The following LTA4H variants were observed in gnomAD, a reference collection of about 807,000 sequenced individuals.
LTA4H encodes the protein leukotriene A4 hydrolase, also known as leukotriene A-4 hydrolase.
A neutral mutation model predicts 89.8 loss-of-function variants in LTA4H; 59 were observed. The observed-to-expected ratio is 0.66, with a 90% confidence interval of 0.53 to 0.82. The LOEUF (loss-of-function observed/expected upper bound fraction) is 0.82, where lower values mean the gene tolerates loss of function less well. LTA4H is among the 40% of genes least tolerant of loss of function. LTA4H has a pLI of 0.00. For synonymous variants in LTA4H, 227 were observed against 253.1 expected (o/e 0.90, Z 0.98); for missense variants, 617 against 727.0 (o/e 0.85, Z 1.74).
Position 96,022,133 on chromosome 12 carries a change from C to A in LTA4H, c.585+14G>T, listed in dbSNP as rs1210771576. On this transcript the variant is annotated intron_variant, in intron 5 of 18. Transcript: ENST00000228740. The surrounding 1 kb of genome is among the most constrained non-coding windows in gnomAD (Gnocchi z 4.0). ...CCGCCAATGAAAACAAAAATCTAGA[C>A]CCTAGGATCTTACTTTTTGGATGAA... 1.3e-6 allele frequency: 2 copies of A among 1,585,450 alleles called. No individual in the cohort carries two copies. The highest frequency in any genetic ancestry group is 1.7e-5 in the Admixed American group (1 of 59,904).
chr12:96,029,482 TA>T (rs1346696312), intron 1 of LTA4H, among the ~76,000 whole-genome samples: 4 of 152,210 alleles, frequency 2.6e-5, no homozygotes, highest in Non-Finnish European at 5.9e-5. Flanking sequence ...TTCTGACTCC[TA>T]AAATTTTCTC....
intron 17 of LTA4H, chr12:96,003,592 A>AT: frequency 3.5e-6 from 1 of 285,942 alleles, no homozygotes. Flanking sequence ...CCTTCATTCT[A>AT]ATTTTTTTTT....
At chr12:96,036,802 G>T (rs1019092577), upstream of LTA4H, among the ~76,000 whole-genome samples, 2 of 152,192 alleles carry the variant, frequency 1.3e-5, no homozygotes, top group African/African-American at 4.8e-5. Flanking sequence ...AAGAAAAGGG[G>T]TTTAATTGGT....
chr12:96,003,838 C>T lies in LTA4H; in HGVS notation c.1613G>A (p.Arg538Lys), dbSNP rs1950149392. Reference sequence around the variant, plus strand: ...ACAGAGACAAGTTAAAATGATGTACCTGAATCGTATTTCAGAATTGTTAAT... The same window carrying T: ...ACAGAGACAAGTTAAAATGATGTACTTGAATCGTATTTCAGAATTGTTAAT... ...NAINNSEIRF[R>K]WLRLCIQSKW... The change falls in exon 17 of 19, where the codon AGA becomes AAA. Residue 538 changes from arginine (R) to lysine (K), a missense_variant and splice_region_variant. Coordinates refer to ENST00000228740, the MANE Select transcript of LTA4H (RefSeq NM_000895.3). 2 of 1,602,032 alleles carry T rather than the reference C, an allele frequency of 1.2e-6. No individual in the cohort carries two copies. The highest frequency in any genetic ancestry group is 1.3e-5 in the African/African-American group (1 of 74,364).
At chr12:96,008,338 T>C (rs1950238296) in intron 15 of LTA4H, among the ~76,000 whole-genome samples, 2 of 152,142 alleles carry the variant, frequency 1.3e-5, no homozygotes, top group Non-Finnish European at 2.9e-5. Flanking sequence ...TTTTAGTACA[T>C]ATATGAAGAA....
chr12:96,043,337 C>T (rs1424472595), exon 1 of LTA4H: 4 of 1,535,332 alleles, frequency 2.6e-6, no homozygotes, highest in East Asian at 2.4e-5. Flanking sequence ...TATGCATGGT[C>T]GGTACTTGTC....
At chr12:96,035,791 A>G (rs1950636007), upstream of LTA4H, 5 of 528,120 alleles carry the variant, frequency 9.5e-6, no homozygotes, top group South Asian at 2.0e-4. Flanking sequence ...GTGCTCCTGG[A>G]GCTGAAGAAG....
intron 11 of LTA4H, 130 bp from the exon 12 acceptor site, chr12:96,015,129 C>T (rs2136886661): frequency 2.8e-6 from 2 of 710,548 alleles, no homozygotes; most frequent in Non-Finnish European, 4.6e-6. Context: ...GAGACTGGAA[C>T]ACTAGGATAT....
Position 96,022,085 on chromosome 12 carries a change from G to C in LTA4H, c.585+62C>G. 1 of 1,012,336 alleles carries C rather than the reference G, an allele frequency of 9.9e-7. No homozygotes were observed. The highest frequency in any genetic ancestry group is 1.4e-5 in the South Asian group (1 of 72,610). 62.7% of individuals were successfully genotyped at this position (1,012,336 alleles called of 1,614,324 possible). On this transcript the variant is annotated intron_variant, in intron 5 of 18. Transcript: ENST00000228740. The surrounding 1 kb of genome is among the most constrained non-coding windows in gnomAD (Gnocchi z 4.0). ...TCAAAAGTAATTTTGCCCTCTGGAT[G>C]TGTACAAGCTAACTGTAGTTTACCG...
chr12:96,007,064 A>T (rs566778420), intron 15 of LTA4H, among the ~76,000 whole-genome samples: 5 of 152,210 alleles, frequency 3.3e-5, no homozygotes, highest in Non-Finnish European at 7.3e-5. Context: ...TGCAAATACT[A>T]AAAAATCAAA....
rs563999282 is a variant in LTA4H at position 96,008,852 on chromosome 12, G to C, written c.1434+242C>G. Among the ~76,000 whole-genome samples the C allele has an allele frequency of 1.3e-3, 204 of 152,298 alleles. 6 individuals are homozygous for C. In the South Asian group the frequency reaches 0.042, roughly 31 times the overall value. ...GACAACTGACTGAGCCCAGGAGGTT[G>C]AGGCTGCAATGAGCCATGATCACGC... On this transcript the variant is annotated intron_variant, in intron 15 of 18. Coordinates refer to ENST00000228740, the MANE Select transcript of LTA4H (RefSeq NM_000895.3).
intron 3 of LTA4H, chr12:96,025,192 C>T (rs1950500186): frequency 6.6e-6 from 1 of 152,218 alleles, no homozygotes; most frequent in South Asian, 2.1e-4. Context: ...GTATGGCATA[C>T]TGCACCACTG....
chr12:96,035,277 C>CG, intron 1 of LTA4H, 84 bp downstream of exon 1: 7 of 1,412,278 alleles, frequency 5.0e-6, no homozygotes, highest in Non-Finnish European at 6.7e-6. Flanking sequence ...CGGGGTGAGC[C>CG]GGAGATCCGG....
intron 1 of LTA4H, among the ~76,000 whole-genome samples, chr12:96,031,586 A>T (rs1469431121): frequency 6.6e-6 from 1 of 152,184 alleles, no homozygotes; most frequent in Non-Finnish European, 1.5e-5. Flanking sequence ...ATCCTCTTTG[A>T]ACAATACCCT....
upstream of LTA4H, among the ~76,000 whole-genome samples, chr12:96,036,558 GC>G (rs916444315): frequency 1.3e-5 from 2 of 152,118 alleles, no homozygotes; most frequent in African/African-American, 4.8e-5. Flanking sequence ...TATTAAAATG[GC>G]TCAATCAGAA....
Position 96,018,894 on chromosome 12 carries a change from T to C in LTA4H, c.721A>G (p.Met241Val), listed in dbSNP as rs761968859. ...SAYEFSETES[M>V]LKIAEDLGGP... ...CCCAGATCTTCTGCTATTTTAAGCATAGATTCAGTCTGAAAAATCAACATA... is the reference window on the plus strand; with the variant it reads ...CCCAGATCTTCTGCTATTTTAAGCACAGATTCAGTCTGAAAAATCAACATA... Residue 241 changes from methionine to valine, a missense_variant, in exon 8 of 19, where the codon ATG becomes GTG. By Grantham distance (21) the Met-to-Val change is conservative (BLOSUM62 1). Around this residue, in one of 3 missense-constraint regions of LTA4H, gnomAD observed 172 missense variants for 244.5 expected, o/e 0.70. Coordinates refer to ENST00000228740, the MANE Select transcript of LTA4H (RefSeq NM_000895.3). 1 of 1,584,166 alleles carries C rather than the reference T, an allele frequency of 6.3e-7. No individual in the cohort carries two copies. Among genetic ancestry groups the C allele is most frequent in the Non-Finnish European group, 8.6e-7 (1 of 1,169,454 alleles).
rs1272206728 is a variant in LTA4H at position 96,035,553 on chromosome 12, A to G, written c.-34T>C. 1.3e-6 allele frequency: 2 copies of G among 1,567,038 alleles called. No homozygotes were observed. The highest frequency in any genetic ancestry group is 2.3e-5 in the East Asian group (1 of 43,134). Reference sequence around the variant, plus strand: ...GGGATCACACAGCACAGCGACCTACAGCCCAACGCTCAGCTACCAGACTCG... The same window carrying G: ...GGGATCACACAGCACAGCGACCTACGGCCCAACGCTCAGCTACCAGACTCG... On this transcript the variant is annotated 5_prime_UTR_variant, in exon 1 of 19. Transcript: ENST00000228740.
chr12:96,028,088 C>G (rs1005507204), intron 2 of LTA4H: 2 of 152,310 alleles, frequency 1.3e-5, no homozygotes, highest in Admixed American at 6.5e-5. Context: ...TTCATCTCTT[C>G]TTCCTCATAT....
At chr12:96,043,375 T>C (rs988014835) in exon 1 of LTA4H, 49 of 1,527,836 alleles carry the variant, frequency 3.2e-5, no homozygotes, top group Middle Eastern at 3.3e-4. Context: ...TGTGGCAGCA[T>C]GGGAGACAGA....
Sources: allele counts gnomAD v4.1 joint callset (sites outside exome capture counted in the v4.1 genomes callset), GRCh38; gene constraint gnomAD v4.1.1; regional missense constraint gnomAD v4.1.1; non-coding constraint Gnocchi (gnomAD v3.1); transcripts MANE v1.5; gene names NCBI Gene and HGNC (gene_info 2026-07-23, HGNC 2026-07-21).